The following CDK19 variants were observed in gnomAD, a reference collection of about 807,000 sequenced individuals.
CDK19 encodes cyclin-dependent kinase 19.
Under a neutral mutation model 68.3 loss-of-function variants are expected in CDK19, and 20 were observed. The ratio of observed to expected loss-of-function variants is 0.29; its 90% confidence interval spans 0.21 to 0.43. CDK19 has a LOEUF of 0.43. CDK19 is among the 20% of genes least tolerant of loss of function. CDK19 has a pLI of 1.00. For missense variants in CDK19, 339 were observed against 623.5 expected, an observed-to-expected ratio of 0.54 and a Z score of 4.86; for synonymous variants, 221 against 222.8, an observed-to-expected ratio of 0.99 and a Z score of 0.07.
At chr6:110,672,977 TTTAC>T (rs1403208692) in intron 2 of CDK19, among the ~76,000 whole-genome samples, 2 of 152,176 alleles carry the variant, frequency 1.3e-5, no homozygotes, top group African/African-American at 4.8e-5. Flanking sequence ...ACTTAGTATA[TTTAC>T]TTAATCCCAC....
At chr6:110,765,384 A>G (rs1305515436) in intron 1 of CDK19, among the ~76,000 whole-genome samples, 1 of 151,892 alleles carries the variant, frequency 6.6e-6, no homozygotes, top group Non-Finnish European at 1.5e-5. Context: ...ATATCAACGA[A>G]AAGAAGAGAA....
At chr6:110,741,577 A>G (rs1777671299) in intron 2 of CDK19, among the ~76,000 whole-genome samples, 1 of 152,074 alleles carries the variant, frequency 6.6e-6, no homozygotes, top group Non-Finnish European at 1.5e-5. Flanking sequence ...TCCAAGTAAG[A>G]TAACTCAGAA....
chr6:110,733,594 A>G (rs1035955240), intron 2 of CDK19, among the ~76,000 whole-genome samples: 1 of 152,190 alleles, frequency 6.6e-6, no homozygotes, highest in Non-Finnish European at 1.5e-5. Flanking sequence ...AACTTCATTA[A>G]CAATGGTATT....
At chr6:110,745,880 A>T (rs950535834) in intron 2 of CDK19, among the ~76,000 whole-genome samples, 1 of 152,274 alleles carries the variant, frequency 6.6e-6, no homozygotes, top group South Asian at 2.1e-4. Flanking sequence ...AGGCAGGAAG[A>T]TCGCTTGAGC....
At chr6:110,693,102 G>C (rs1385347769) in intron 2 of CDK19, among the ~76,000 whole-genome samples, 2 of 152,118 alleles carry the variant, frequency 1.3e-5, no homozygotes, top group African/African-American at 4.8e-5. Flanking sequence ...ACGGATAGGA[G>C]ACAGGACTAA....
chr6:110,646,176 C>T, intron 4 of CDK19: 1 of 1,191,102 alleles, frequency 8.4e-7, no homozygotes, highest in Non-Finnish European at 1.2e-6. Context: ...CACCGGCCAC[C>T]AGAGCCTGTT....
chr6:110,784,985 CAG>C (rs1422025412), intron 1 of CDK19, among the ~76,000 whole-genome samples: 18 of 146,142 alleles, frequency 1.2e-4, no homozygotes, highest in Admixed American at 3.6e-4. Flanking sequence ...CTAATGTGTA[CAG>C]AGTGTTTGTG....
intron 1 of CDK19, among the ~76,000 whole-genome samples, chr6:110,765,932 C>G (rs1397419929): frequency 6.6e-6 from 1 of 151,856 alleles, no homozygotes; most frequent in Non-Finnish European, 1.5e-5. Flanking sequence ...TGGCTATTAT[C>G]AAAAAGAGAA....
At chr6:110,712,755 T>G (rs1002449408) in intron 2 of CDK19, among the ~76,000 whole-genome samples, 1 of 151,840 alleles carries the variant, frequency 6.6e-6, no homozygotes, top group Non-Finnish European at 1.5e-5. Flanking sequence ...ATTAAAGGAG[T>G]AGGTTAGCTA....
intron 1 of CDK19, among the ~76,000 whole-genome samples, chr6:110,782,710 T>G (rs997336517): frequency 6.6e-6 from 1 of 152,200 alleles, no homozygotes; most frequent in African/African-American, 2.4e-5. Flanking sequence ...TTTTGGGAAC[T>G]AAAATAATTT....
At chr6:110,784,421 AACCACAGTGAGCT>A (rs1488687327) in intron 1 of CDK19, among the ~76,000 whole-genome samples, 2 of 152,148 alleles carry the variant, frequency 1.3e-5, no homozygotes, top group African/African-American at 4.8e-5. Context: ...TGCAAATCAA[AACCACAGTGAGCT>A]ACCACTTCAC....
intron 1 of CDK19, among the ~76,000 whole-genome samples, chr6:110,758,576 C>T (rs1778984952): frequency 6.6e-6 from 1 of 152,154 alleles, no homozygotes; most frequent in Non-Finnish European, 1.5e-5. Flanking sequence ...CCAAAATAAA[C>T]TTGTTCATTA....
At chr6:110,692,399 C>T (rs1436104624) in intron 2 of CDK19, among the ~76,000 whole-genome samples, 1 of 151,128 alleles carries the variant, frequency 6.6e-6, no homozygotes, top group African/African-American at 2.4e-5. Context: ...ATTTCAGGCT[C>T]GAAGCTAAGG....
chr6:110,713,478 CAA>C (rs33973234), intron 2 of CDK19, among the ~76,000 whole-genome samples: 2 of 129,586 alleles, frequency 1.5e-5, no homozygotes. Context: ...CCTCTTGTCT[CAA>C]AAAAAAAAAA....
intron 1 of CDK19, among the ~76,000 whole-genome samples, chr6:110,795,104 G>T (rs559573248): frequency 6.6e-6 from 1 of 152,232 alleles, no homozygotes; most frequent in Non-Finnish European, 1.5e-5. Context: ...CTGAGTAGCT[G>T]GGACTACAGG....
chr6:110,798,119 T>C (rs896517185), intron 1 of CDK19, among the ~76,000 whole-genome samples: 2 of 151,908 alleles, frequency 1.3e-5, no homozygotes, highest in African/African-American at 4.8e-5. Context: ...AGATGTACCG[T>C]ACTAAAGAAC....
At chr6:110,649,635 A>AC (rs1203764525) in intron 4 of CDK19, among the ~76,000 whole-genome samples, 1 of 152,152 alleles carries the variant, frequency 6.6e-6, no homozygotes, top group East Asian at 1.9e-4. Flanking sequence ...AAAATAAAGA[A>AC]CTCCTACAAG....
chr6:110,784,219 C>T (rs1361213087), intron 1 of CDK19, among the ~76,000 whole-genome samples: 4 of 118,398 alleles, frequency 3.4e-5, no homozygotes, highest in Non-Finnish European at 5.6e-5. Flanking sequence ...TCAAAAAAAA[C>T]AAGAAATATT....
At position 110,621,235 on chromosome 6, in the gene CDK19, C is replaced by A. The variant is rs548129906; in HGVS notation, c.1246G>T (p.Val416Phe). 6.2e-7 allele frequency: 1 copy of A among 1,613,098 alleles called. No individual in the cohort carries two copies. ...NGTAGGAGAGVGGTGAGLQHS... is the reference protein window; with the variant it reads ...NGTAGGAGAGFGGTGAGLQHS... ...TGCAACCCTGCTCCGGTGCCCCCGA[C>A]CCCGGCCCCAGCCCCACCTGCGGTC... The change falls in exon 12 of 13, where the codon GTC (valine) becomes TTC (phenylalanine). Residue 416 changes from valine (V) to phenylalanine (F), a missense_variant. Physicochemically the swap from Val to Phe is conservative, Grantham distance 50 (BLOSUM62 -1). This residue lies in a region of CDK19 where 155 missense variants were observed against 222.7 expected (regional missense o/e 0.70). Coordinates refer to ENST00000368911, the MANE Select transcript of CDK19 (RefSeq NM_015076.5). This position sits in a 1 kb window ranked among gnomAD's most constrained non-coding sequence, Gnocchi z 5.4.
Sources: gnomAD v4.1 joint callset for allele counts (sites outside exome capture counted in the v4.1 genomes callset) on GRCh38, gnomAD v4.1.1 for gene constraint, gnomAD v4.1.1 regional missense constraint, Gnocchi (gnomAD v3.1) non-coding constraint, MANE v1.5 for transcripts, NCBI Gene and HGNC (gene_info 2026-07-23, HGNC 2026-07-21) for gene names.